RNGTT: variants seen among roughly 807,000 people sequenced by gnomAD.
RNGTT encodes the protein RNA guanylyltransferase and 5'-phosphatase.
Under a neutral mutation model 79.3 loss-of-function variants are expected in RNGTT, and 33 were observed. The observed-to-expected ratio is 0.42, with a 90% confidence interval of 0.32 to 0.56. RNGTT has a LOEUF of 0.56. Ranked by LOEUF, RNGTT falls within the 20% of genes least tolerant of loss-of-function variation. The pLI is 0.17. For synonymous variants in RNGTT, 222 were observed against 235.9 expected (o/e 0.94, Z 0.54); for missense variants, 497 against 739.1 (o/e 0.67, Z 3.80).
At chr6:88,671,088 T>TG (rs1422602453) in intron 14 of RNGTT, among the ~76,000 whole-genome samples, 1 of 152,166 alleles carries the variant, frequency 6.6e-6, no homozygotes, top group Non-Finnish European at 1.5e-5. Context: ...ATTACAGTAA[T>TG]GGAAGTCCTA....
Position 88,717,924 on chromosome 6 carries a change from G to C in RNGTT, c.1440-39505C>G, listed in dbSNP as rs73754807. ...GGGGTAGAAACAGAGAAGGCTGAGTGGGGGAGCCACCCACAAAGATATCAG... is the reference window on the plus strand; with the variant it reads ...GGGGTAGAAACAGAGAAGGCTGAGTCGGGGAGCCACCCACAAAGATATCAG... On this transcript the variant is annotated intron_variant, in intron 13 of 15. Transcript: ENST00000369485. 2.6e-3 allele frequency among the ~76,000 whole-genome samples: 400 copies of C among 152,190 alleles called. 3 individuals are homozygous for C. Among genetic ancestry groups the C allele is most frequent in the African/African-American group, 9.3e-3 (388 of 41,520 alleles).
chr6:88,686,761 T>C (rs1775293460), intron 13 of RNGTT, among the ~76,000 whole-genome samples: 1 of 152,120 alleles, frequency 6.6e-6, no homozygotes, highest in Non-Finnish European at 1.5e-5. Flanking sequence ...GGTATATCTG[T>C]CTACATTAAA....
intron 4 of RNGTT, among the ~76,000 whole-genome samples, chr6:88,928,042 A>AAAAACT (rs1377383101): frequency 6.6e-6 from 1 of 151,634 alleles, no homozygotes; most frequent in East Asian, 2.0e-4. Context: ...CTGTCTCTAC[A>AAAAACT]AAAAATAAAA....
chr6:88,958,239 CTT>C (rs950601731), intron 1 of RNGTT, among the ~76,000 whole-genome samples: 1 of 152,156 alleles, frequency 6.6e-6, no homozygotes, highest in Admixed American at 6.5e-5. Context: ...TCAACTCAAA[CTT>C]AAGTAAGATC....
chr6:88,929,085 G>C lies in RNGTT; in HGVS notation c.279-12C>G. The C allele has an allele frequency of 6.2e-7, 1 of 1,602,872 alleles. No homozygotes were observed. Among genetic ancestry groups the C allele is most frequent in the Non-Finnish European group, 8.5e-7 (1 of 1,174,880 alleles). ...GGCACTCACCATGTCTAGTAATATA[G>C]AAAAAGTTTTTTTGAAAAAAGAGAT... On this transcript the variant is annotated splice_polypyrimidine_tract_variant and intron_variant, in intron 3 of 15. Coordinates refer to ENST00000369485, the MANE Select transcript of RNGTT (RefSeq NM_003800.5).
At chr6:88,753,120 A>G (rs1777893102) in intron 13 of RNGTT, among the ~76,000 whole-genome samples, 1 of 152,318 alleles carries the variant, frequency 6.6e-6, no homozygotes, top group South Asian at 2.1e-4. Context: ...TAAGGTAATT[A>G]TATATTTTTG....
rs113401475 is a variant in RNGTT at position 88,822,489 on chromosome 6, G to C, written c.1270-20857C>G. Reference sequence around the variant, plus strand: ...AAAAATATCCTAAAAGTTATTTTAGGACTGAGTTCATTCAGGCTTTCACAG... The same window carrying C: ...AAAAATATCCTAAAAGTTATTTTAGCACTGAGTTCATTCAGGCTTTCACAG... On this transcript the variant is annotated intron_variant, in intron 11 of 15. Coordinates refer to ENST00000369485, the MANE Select transcript of RNGTT (RefSeq NM_003800.5). Among the ~76,000 whole-genome samples the C allele has an allele frequency of 1.8e-3, 279 of 152,238 alleles. 3 individuals are homozygous for C. Among genetic ancestry groups the C allele is most frequent in the African/African-American group, 6.6e-3 (273 of 41,538 alleles).
intron 13 of RNGTT, among the ~76,000 whole-genome samples, chr6:88,698,538 C>T (rs571041878): frequency 6.6e-6 from 1 of 151,194 alleles, no homozygotes; most frequent in East Asian, 1.9e-4. Context: ...TTGTAAAAGG[C>T]CTTGAACAAA....
intron 8 of RNGTT, among the ~76,000 whole-genome samples, chr6:88,882,146 T>A (rs924679493): frequency 1.3e-5 from 2 of 152,188 alleles, no homozygotes; most frequent in Admixed American, 6.5e-5. Context: ...AAGGTCCAAC[T>A]ACCTAAATAT....
At chr6:88,746,322 A>AAG (rs1347280037) in intron 13 of RNGTT, among the ~76,000 whole-genome samples, 1 of 152,048 alleles carries the variant, frequency 6.6e-6, no homozygotes, top group African/African-American at 2.4e-5. Flanking sequence ...CCAACACCCA[A>AAG]AGGCCCCTGA....
intron 8 of RNGTT, among the ~76,000 whole-genome samples, chr6:88,860,773 A>G (rs1478587331): frequency 6.6e-6 from 1 of 152,106 alleles, no homozygotes; most frequent in African/African-American, 2.4e-5. Flanking sequence ...CAGGAGTTCA[A>G]GACTAGCCTG....
At chr6:88,721,779 T>C (rs1490191872) in intron 13 of RNGTT, among the ~76,000 whole-genome samples, 1 of 152,100 alleles carries the variant, frequency 6.6e-6, no homozygotes, top group Non-Finnish European at 1.5e-5. Context: ...AATATTCTAG[T>C]CTGCCTGGAC....
At chr6:88,940,972 A>T (rs1301961587) in intron 2 of RNGTT, 99 bp downstream of exon 2, 3 of 623,300 alleles carry the variant, frequency 4.8e-6, no homozygotes, top group East Asian at 5.7e-5. Flanking sequence ...TGAGTCTATT[A>T]ATTATTTTAA....
intron 4 of RNGTT, among the ~76,000 whole-genome samples, chr6:88,911,016 G>T (rs1783813261): frequency 6.6e-6 from 1 of 152,090 alleles, no homozygotes; most frequent in Admixed American, 6.6e-5. Flanking sequence ...AACAGTATCT[G>T]CTACCACAAA....
At chr6:88,796,298 A>G (rs1582470602) in intron 12 of RNGTT, among the ~76,000 whole-genome samples, 1 of 152,300 alleles carries the variant, frequency 6.6e-6, no homozygotes, top group South Asian at 2.1e-4. Context: ...TTATATTTCT[A>G]TCAGTCAGTA....
chr6:88,832,487 GA>G (rs1432311491), intron 11 of RNGTT, among the ~76,000 whole-genome samples: 1 of 152,138 alleles, frequency 6.6e-6, no homozygotes, highest in African/African-American at 2.4e-5. Context: ...AACCCTGTAA[GA>G]AAACCTAGGC....
intron 13 of RNGTT, among the ~76,000 whole-genome samples, chr6:88,733,237 T>G (rs1009100216): frequency 6.6e-6 from 1 of 152,128 alleles, no homozygotes; most frequent in African/African-American, 2.4e-5. Flanking sequence ...GGTGCATCCC[T>G]GTAGTCCCAG....
At chr6:88,633,827 G>A (rs975564908) in intron 14 of RNGTT, among the ~76,000 whole-genome samples, 5 of 152,080 alleles carry the variant, frequency 3.3e-5, no homozygotes, top group Admixed American at 2.6e-4. Flanking sequence ...AAACCATGCT[G>A]CCACATAAAA....
intron 14 of RNGTT, among the ~76,000 whole-genome samples, chr6:88,652,547 G>GA (rs1773835873): frequency 6.6e-6 from 1 of 152,136 alleles, no homozygotes; most frequent in Admixed American, 6.5e-5. Flanking sequence ...ACTTACAGCA[G>GA]CAATCTCAAA....
Sources: gnomAD v4.1 joint callset for allele counts (sites outside exome capture counted in the v4.1 genomes callset) on GRCh38, gnomAD v4.1.1 for gene constraint, MANE v1.5 for transcripts, NCBI Gene and HGNC (gene_info 2026-07-23, HGNC 2026-07-21) for gene names.